Variants in TMEM132D observed in about 807,000 individuals in gnomAD.
The protein encoded by TMEM132D is mature OL transmembrane protein.
In TMEM132D, 21 loss-of-function variants were observed where a neutral mutation model predicts 62.3. The observed-to-expected ratio is 0.34, with a 90% CI of 0.24 to 0.49. The LOEUF (loss-of-function observed/expected upper bound fraction) is 0.49. Among genes scored for constraint, TMEM132D ranks in the 20% least tolerant of loss-of-function variants. TMEM132D has a pLI of 0.99. For synonymous variants in TMEM132D, 621 were observed against 575.6 expected, an observed-to-expected ratio of 1.08 and a Z score of -1.13; for missense variants, 1,346 against 1,402.8, an observed-to-expected ratio of 0.96 and a Z score of 0.65.
At chr12:129,732,542 G>T (rs1869284173) in intron 1 of TMEM132D, among the ~76,000 whole-genome samples, 1 of 152,100 alleles carries the variant, frequency 6.6e-6, no homozygotes, top group Non-Finnish European at 1.5e-5. Flanking sequence ...ATGTAAAATT[G>T]TGTGGCACCT....
intron 1 of TMEM132D, among the ~76,000 whole-genome samples, chr12:129,757,120 G>A (rs1870191531): frequency 1.3e-5 from 2 of 152,122 alleles, no homozygotes; most frequent in Non-Finnish European, 2.9e-5. Context: ...TGGGGTCACA[G>A]GAAAAATAAG....
intron 3 of TMEM132D, among the ~76,000 whole-genome samples, chr12:129,490,593 CTAATTTTTTTTT>C (rs1258901837): frequency 1.0e-5 from 1 of 96,198 alleles, no homozygotes; most frequent in Non-Finnish European, 1.9e-5. Context: ...CCACGCCCGG[CTAATTTTTTTTT>C]TTTTTTTTTT....
chr12:129,246,796 A>G (rs1285333901), intron 4 of TMEM132D, among the ~76,000 whole-genome samples: 2 of 151,924 alleles, frequency 1.3e-5, no homozygotes, highest in Non-Finnish European at 2.9e-5. Flanking sequence ...AAGTAGGCAC[A>G]TGGTATCAAG....
At chr12:129,695,949 GATTT>G (rs1486176155) in intron 2 of TMEM132D, among the ~76,000 whole-genome samples, 1 of 152,164 alleles carries the variant, frequency 6.6e-6, no homozygotes, top group East Asian at 1.9e-4. Context: ...GCTGGAGTGT[GATTT>G]ATGACCTGCA....
intron 1 of TMEM132D, among the ~76,000 whole-genome samples, chr12:129,706,634 T>G (rs1274636393): frequency 1.3e-5 from 2 of 152,008 alleles, no homozygotes; most frequent in Non-Finnish European, 2.9e-5. Flanking sequence ...AATGCTATTA[T>G]AATCTCTATG....
At position 129,141,222 on chromosome 12, in the gene TMEM132D, A is replaced by G. The variant is rs996384984; in HGVS notation, c.1444-56520T>C. On this transcript the variant is annotated intron_variant, in intron 5 of 8. Transcript: ENST00000422113. ...GTGATCCTTCTCAAGTTCAATGGTC[A>G]GCCTGGTCAGATGGGAAATTATTCA... is the stretch of plus-strand genomic sequence containing the variant. Among the ~76,000 whole-genome samples the G allele has an allele frequency of 3.9e-4, 59 of 152,244 alleles. 1 individual carries two copies. The highest frequency in any genetic ancestry group is 2.9e-5 in the Non-Finnish European group (2 of 68,038).
chr12:129,087,917 TCC>T (rs34370724), intron 5 of TMEM132D, among the ~76,000 whole-genome samples: 2,458 of 113,952 alleles, frequency 0.022, 120 homozygotes, highest in Middle Eastern at 0.032. Context: ...CGGGGTGTCC[TCC>T]CTGACCGGGT....
intron 5 of TMEM132D, among the ~76,000 whole-genome samples, chr12:129,145,057 CAT>C (rs59678913): frequency 0.036 from 5,478 of 152,024 alleles, 318 homozygotes; most frequent in African/African-American, 0.13. Flanking sequence ...TATATGGAAA[CAT>C]ATATGAACTA....
intron 2 of TMEM132D, among the ~76,000 whole-genome samples, chr12:129,582,353 T>A (rs1877892108): frequency 6.6e-6 from 1 of 152,138 alleles, no homozygotes; most frequent in African/African-American, 2.4e-5. Flanking sequence ...TACTTCGGAG[T>A]GTGGTCCTGG....
At chr12:129,502,461 C>G (rs544801369) in intron 3 of TMEM132D, among the ~76,000 whole-genome samples, 1 of 152,244 alleles carries the variant, frequency 6.6e-6, no homozygotes, top group South Asian at 2.1e-4. Context: ...CCAGCGTCAA[C>G]CAGTTTAAGC....
intron 1 of TMEM132D, among the ~76,000 whole-genome samples, chr12:129,742,133 G>A (rs917172842): frequency 1.3e-5 from 2 of 152,208 alleles, no homozygotes; most frequent in African/African-American, 4.8e-5. Context: ...AATGAAACGA[G>A]TTTTAAGGTT....
chr12:129,872,770 C>T lies in TMEM132D; in HGVS notation c.79+30491G>A, dbSNP rs183294673. ...GTTAAATGGCGCACAGGATGTTGACCGTCCATGCGTGAATGAGTAAGCTAA... is the reference window on the plus strand; with the variant it reads ...GTTAAATGGCGCACAGGATGTTGACTGTCCATGCGTGAATGAGTAAGCTAA... On this transcript the variant is annotated intron_variant, in intron 1 of 8. Coordinates refer to ENST00000422113, the MANE Select transcript of TMEM132D (RefSeq NM_133448.3). Among the ~76,000 whole-genome samples, 9 of 152,232 alleles carry T rather than the reference C, an allele frequency of 5.9e-5. No individual in the cohort carries two copies. The South Asian group carries it at 1.7e-3, about 28-fold the overall frequency.
intron 1 of TMEM132D, among the ~76,000 whole-genome samples, chr12:129,758,787 A>G (rs1165802348): frequency 6.6e-6 from 1 of 152,190 alleles, no homozygotes; most frequent in African/African-American, 2.4e-5. Context: ...TGTTTTTGGA[A>G]AACATATTTT....
intron 2 of TMEM132D, among the ~76,000 whole-genome samples, chr12:129,533,494 A>G (rs144724299): frequency 6.6e-6 from 1 of 152,256 alleles, no homozygotes; most frequent in African/African-American, 2.4e-5. Flanking sequence ...TAAATAGGTC[A>G]TCAACCTGGC....
At chr12:129,349,409 C>T (rs928991546) in intron 3 of TMEM132D, among the ~76,000 whole-genome samples, 6 of 152,044 alleles carry the variant, frequency 3.9e-5, no homozygotes, top group African/African-American at 1.5e-4. Flanking sequence ...TAGCTTTGTG[C>T]ACCAAGGAAA....
chr12:129,553,660 G>A (rs1351929260), intron 2 of TMEM132D, among the ~76,000 whole-genome samples: 2 of 152,324 alleles, frequency 1.3e-5, no homozygotes, highest in African/African-American at 4.8e-5. Flanking sequence ...ATTGGGAAGA[G>A]ATGCACAAAT....
At chr12:129,200,887 T>C (rs192499488) in intron 5 of TMEM132D, among the ~76,000 whole-genome samples, 1 of 152,340 alleles carries the variant, frequency 6.6e-6, no homozygotes, top group East Asian at 1.9e-4. Context: ...TTGTTAAGCG[T>C]TGTGCTCCCA....
At chr12:129,676,032 T>A (rs1488664097) in intron 2 of TMEM132D, among the ~76,000 whole-genome samples, 1 of 152,202 alleles carries the variant, frequency 6.6e-6, no homozygotes, top group Non-Finnish European at 1.5e-5. Context: ...AACAGACACT[T>A]AGTGTGTGCT....
chr12:129,577,661 G>T (rs1027096228), intron 2 of TMEM132D, among the ~76,000 whole-genome samples: 4 of 149,602 alleles, frequency 2.7e-5, no homozygotes, highest in Non-Finnish European at 4.4e-5. Context: ...TTCAGTTTTT[G>T]ATATTTGCAG....
Sources: gnomAD v4.1 joint callset for allele counts (sites outside exome capture counted in the v4.1 genomes callset) on GRCh38, gnomAD v4.1.1 for gene constraint, MANE v1.5 for transcripts, NCBI Gene and HGNC (gene_info 2026-07-23, HGNC 2026-07-21) for gene names.